Variants in GNG4 observed in about 807,000 individuals in gnomAD.
The protein encoded by GNG4 is G protein subunit gamma 4, also known as guanine nucleotide-binding protein G(I)/G(S)/G(O) subunit gamma-4.
A neutral mutation model predicts 5.8 loss-of-function variants in GNG4; 4 were observed. The observed-to-expected ratio is 0.69, with a 90% CI of 0.34 to 1.57. The LOEUF (loss-of-function observed/expected upper bound fraction) is 1.57, where lower values mean the gene tolerates loss of function less well. Ranked by LOEUF, GNG4 falls within the 40% of genes most tolerant of loss-of-function variation. The pLI, the probability that GNG4 is intolerant of heterozygous loss-of-function variation, is 0.06. For missense variants in GNG4, 96 were observed against 95.1 expected, an observed-to-expected ratio of 1.01 and a Z score of -0.04; for synonymous variants, 29 against 32.9, an observed-to-expected ratio of 0.88 and a Z score of 0.41.
chr1:235,610,482 T>C (rs113338374), intron 1 of GNG4, among the ~76,000 whole-genome samples: 3,493 of 152,324 alleles, frequency 0.023, 137 homozygotes, highest in African/African-American at 0.079. Context: ...TATCAAACTT[T>C]CAATATATTC....
chr1:235,641,375 G>A (rs1255236641), intron 1 of GNG4, among the ~76,000 whole-genome samples: 1 of 152,066 alleles, frequency 6.6e-6, no homozygotes, highest in African/African-American at 2.4e-5. Flanking sequence ...GGGCAACAGA[G>A]CAAGACCCTG....
intron 3 of GNG4, among the ~76,000 whole-genome samples, chr1:235,570,860 A>ATGTGTGTGTGTG (rs756211268): frequency 2.0e-3 from 186 of 92,008 alleles, no homozygotes; most frequent in Admixed American, 3.3e-3. Context: ...TTATATATAT[A>ATGTGTGTGTGTG]TATGTGTGTG....
chr1:235,621,639 T>C (rs1409481607), intron 1 of GNG4, among the ~76,000 whole-genome samples: 1 of 150,792 alleles, frequency 6.6e-6, no homozygotes, highest in Non-Finnish European at 1.5e-5. Context: ...TTATTGTTCA[T>C]ATTTCCCTTT....
intron 2 of GNG4, among the ~76,000 whole-genome samples, chr1:235,594,801 C>A (rs560724186): frequency 6.6e-6 from 1 of 152,224 alleles, no homozygotes; most frequent in Non-Finnish European, 1.5e-5. Context: ...AGCCAGCTCC[C>A]GCCTTGGCCA....
At chr1:235,618,027 G>A (rs938616216) in intron 1 of GNG4, among the ~76,000 whole-genome samples, 2 of 152,142 alleles carry the variant, frequency 1.3e-5, no homozygotes, top group Admixed American at 6.6e-5. Flanking sequence ...CCCTAGTGGA[G>A]ATATCTGCAC....
chr1:235,561,211 G>C (rs900595078), intron 3 of GNG4, among the ~76,000 whole-genome samples: 2 of 151,870 alleles, frequency 1.3e-5, no homozygotes, highest in African/African-American at 4.8e-5. Flanking sequence ...GGGTTTCACC[G>C]TGTTAGCCAG....
At chr1:235,643,268 C>A (rs1017338418) in intron 1 of GNG4, among the ~76,000 whole-genome samples, 2 of 152,212 alleles carry the variant, frequency 1.3e-5, no homozygotes, top group Non-Finnish European at 2.9e-5. Flanking sequence ...TGACCCTGGG[C>A]CCCTGCTGGC....
intron 1 of GNG4, among the ~76,000 whole-genome samples, chr1:235,647,493 A>C (rs967185638): frequency 3.3e-5 from 5 of 152,156 alleles, no homozygotes; most frequent in African/African-American, 9.7e-5. Context: ...TTGGGTACAG[A>C]CCTTAGTCTT....
chr1:235,558,097 T>G (rs1686964792), intron 3 of GNG4, among the ~76,000 whole-genome samples: 1 of 152,228 alleles, frequency 6.6e-6, no homozygotes, highest in Non-Finnish European at 1.5e-5. Flanking sequence ...GAGTCCTGTC[T>G]GTGCACCCAT....
chr1:235,619,533 A>C (rs746070047), intron 1 of GNG4, among the ~76,000 whole-genome samples: 1 of 152,234 alleles, frequency 6.6e-6, no homozygotes, highest in Non-Finnish European at 1.5e-5. Flanking sequence ...TTGCCTGTTG[A>C]CTTCAATAGA....
chr1:235,587,908 GTGTGGGTA>G (rs1271379806), intron 2 of GNG4, among the ~76,000 whole-genome samples: 12 of 144,942 alleles, frequency 8.3e-5, no homozygotes, highest in African/African-American at 3.1e-4. Context: ...GAGTGTGAGT[GTGTGGGTA>G]TAAGTGTGAG....
intron 2 of GNG4, among the ~76,000 whole-genome samples, chr1:235,591,171 G>A (rs2102951353): frequency 6.6e-6 from 1 of 152,316 alleles, no homozygotes; most frequent in South Asian, 2.1e-4. Flanking sequence ...TAATTTCCCA[G>A]CGCTCCTCAG....
intron 1 of GNG4, among the ~76,000 whole-genome samples, chr1:235,613,624 G>A (rs763556116): frequency 2.6e-5 from 4 of 152,114 alleles, no homozygotes; most frequent in Non-Finnish European, 5.9e-5. Flanking sequence ...TCTAGAAGCT[G>A]GAAAAGGCAA....
chr1:235,634,493 G>A (rs761074394), intron 1 of GNG4, among the ~76,000 whole-genome samples: 2 of 152,190 alleles, frequency 1.3e-5, no homozygotes, highest in African/African-American at 4.8e-5. Flanking sequence ...GTGATATCTG[G>A]GTGCAGGAAG....
chr1:235,561,407 TCTA>T (rs200492418), intron 3 of GNG4, among the ~76,000 whole-genome samples: 2,683 of 151,216 alleles, frequency 0.018, 69 homozygotes, highest in African/African-American at 0.062. Flanking sequence ...GCTCTCTCTC[TCTA>T]TATATATACA....
intron 3 of GNG4, among the ~76,000 whole-genome samples, chr1:235,582,244 C>T (rs2102940425): frequency 6.6e-6 from 1 of 152,354 alleles, no homozygotes; most frequent in South Asian, 2.1e-4. Flanking sequence ...GGTTGGTTCA[C>T]CTCACACACC....
At chr1:235,616,037 C>T (rs1025645840) in intron 1 of GNG4, 3 of 356,282 alleles carry the variant, frequency 8.4e-6, no homozygotes, top group African/African-American at 2.2e-5. Context: ...TCCAAGGCCT[C>T]GGCACCTGGT....
At chr1:235,638,676 G>GCT (rs988580287) in intron 1 of GNG4, among the ~76,000 whole-genome samples, 5 of 151,932 alleles carry the variant, frequency 3.3e-5, no homozygotes, top group African/African-American at 1.2e-4. Context: ...CCCCAACAGG[G>GCT]CTCGGTGTGT....
chr1:235,619,294 G>C (rs1457883380), intron 1 of GNG4, among the ~76,000 whole-genome samples: 1 of 151,604 alleles, frequency 6.6e-6, no homozygotes, highest in African/African-American at 2.4e-5. Context: ...ATACTTGCAG[G>C]GCTGAGGTGG....
Sources: allele counts gnomAD v4.1 joint callset (sites outside exome capture counted in the v4.1 genomes callset), GRCh38; gene constraint gnomAD v4.1.1; transcripts MANE v1.5; gene names NCBI Gene and HGNC (gene_info 2026-07-23, HGNC 2026-07-21).